Variants in LRP1B observed in about 807,000 individuals in gnomAD.
LRP1B encodes low-density lipoprotein receptor-related protein 1B.
In LRP1B, 217 loss-of-function variants were observed where a neutral mutation model predicts 556.6. The ratio of observed to expected loss-of-function variants is 0.39; its 90% CI spans 0.35 to 0.44. LRP1B has a LOEUF of 0.44. Among genes scored for constraint, LRP1B ranks in the 20% least tolerant of loss-of-function variants. The pLI, the probability that LRP1B is intolerant of heterozygous loss-of-function variation, is 1.00. For synonymous variants in LRP1B, 2,047 were observed against 1,865.8 expected (o/e 1.10, Z -2.50); for missense variants, 5,053 against 5,620.8 (o/e 0.90, Z 3.23).
intron 83 of LRP1B, among the ~76,000 whole-genome samples, chr2:140,304,296 T>G (rs916481034): frequency 2.0e-5 from 3 of 152,128 alleles, no homozygotes; most frequent in African/African-American, 7.2e-5. Flanking sequence ...AGTGTTCCTA[T>G]TCTCCACATC....
At chr2:140,335,173 T>A (rs1681011421) in intron 78 of LRP1B, among the ~76,000 whole-genome samples, 2 of 143,970 alleles carry the variant, frequency 1.4e-5, no homozygotes, top group Non-Finnish European at 3.1e-5. Context: ...ACTCTTTAAA[T>A]TTGTGTGTGT....
intron 7 of LRP1B, among the ~76,000 whole-genome samples, chr2:141,149,162 T>C (rs1342692144): frequency 6.6e-6 from 1 of 152,200 alleles, no homozygotes; most frequent in Non-Finnish European, 1.5e-5. Flanking sequence ...GCATTTTTTG[T>C]TGCTAGGTCT....
chr2:141,948,125 C>A (rs1373829791), intron 1 of LRP1B, among the ~76,000 whole-genome samples: 5 of 151,862 alleles, frequency 3.3e-5, no homozygotes, highest in African/African-American at 1.2e-4. Flanking sequence ...TGGTGAAACC[C>A]CCTCTCTACT....
rs768388336 is a variant in LRP1B, at chr2:141,429,648, C to T, written c.343+50748G>A. 3.4e-4 allele frequency among the ~76,000 whole-genome samples: 51 copies of T among 152,124 alleles called. 1 individual carries two copies. The highest frequency in any genetic ancestry group is 3.2e-3 in the Middle Eastern group (1 of 316). On this transcript the variant is annotated intron_variant, in intron 3 of 90. Transcript: ENST00000389484. ...TGATGCTCTCCTTCCTCCCACCTCCCGCCCTCCAACAGGCCCCAGTGTGTG... is the reference window on the plus strand; with the variant it reads ...TGATGCTCTCCTTCCTCCCACCTCCTGCCCTCCAACAGGCCCCAGTGTGTG...
At chr2:140,988,424 G>A (rs1696992198) in intron 17 of LRP1B, among the ~76,000 whole-genome samples, 1 of 152,116 alleles carries the variant, frequency 6.6e-6, no homozygotes, top group East Asian at 1.9e-4. Flanking sequence ...CAGCAAATTT[G>A]TCACTATGGA....
intron 9 of LRP1B, among the ~76,000 whole-genome samples, chr2:141,057,411 TTGTTCATCCCACCACCTGCAA>T (rs928373234): frequency 6.6e-6 from 1 of 151,852 alleles, no homozygotes; most frequent in African/African-American, 2.4e-5. Flanking sequence ...GCTTTTGTGC[TTGTTCATCCCACCACCTGCAA>T]TGTTGTTGCC....
At chr2:141,244,795 T>C (rs538961908) in intron 5 of LRP1B, among the ~76,000 whole-genome samples, 49 of 152,270 alleles carry the variant, frequency 3.2e-4, no homozygotes, top group African/African-American at 1.2e-3. Context: ...TATAGACTTA[T>C]GCTCATTCTA....
chr2:140,724,237 C>T (rs190172500), intron 35 of LRP1B, among the ~76,000 whole-genome samples: 44 of 152,192 alleles, frequency 2.9e-4, no homozygotes, highest in East Asian at 1.2e-3. Flanking sequence ...GCAATCCCAG[C>T]GCTTTGGAAG....
chr2:140,887,933 GT>G (rs1693687532), intron 23 of LRP1B, among the ~76,000 whole-genome samples: 2 of 152,122 alleles, frequency 1.3e-5, no homozygotes, highest in African/African-American at 4.8e-5. Flanking sequence ...CATGGGGTTT[GT>G]TTTGGGGTGA....
chr2:141,377,727 T>C (rs1002502514), intron 3 of LRP1B, among the ~76,000 whole-genome samples: 3 of 151,908 alleles, frequency 2.0e-5, no homozygotes, highest in Non-Finnish European at 4.4e-5. Flanking sequence ...TAGAAAAATA[T>C]ATTACATTTC....
At chr2:140,540,423 G>C (rs2105014727) in intron 45 of LRP1B, among the ~76,000 whole-genome samples, 1 of 152,210 alleles carries the variant, frequency 6.6e-6, no homozygotes, top group Admixed American at 6.6e-5. Context: ...TAATAAGTGT[G>C]TATTGTAATG....
At chr2:141,877,204 T>A (rs967660383) in intron 1 of LRP1B, among the ~76,000 whole-genome samples, 7 of 151,994 alleles carry the variant, frequency 4.6e-5, no homozygotes, top group Non-Finnish European at 8.8e-5. Context: ...ATTAGTTTTT[T>A]TTCCTATAAA....
chr2:142,123,235 C>A (rs1410868718), intron 1 of LRP1B, among the ~76,000 whole-genome samples: 1 of 151,994 alleles, frequency 6.6e-6, no homozygotes, highest in Non-Finnish European at 1.5e-5. Context: ...TGTTAGTTAT[C>A]TTTTCTCATT....
At chr2:140,387,669 C>A (rs1683820742) in intron 66 of LRP1B, among the ~76,000 whole-genome samples, 1 of 151,576 alleles carries the variant, frequency 6.6e-6, no homozygotes, top group African/African-American at 2.4e-5. Context: ...ATGTTTTCTG[C>A]TTTATATTAT....
intron 32 of LRP1B, among the ~76,000 whole-genome samples, chr2:140,783,864 C>A (rs955248209): frequency 6.6e-6 from 1 of 152,126 alleles, no homozygotes; most frequent in Admixed American, 6.5e-5. Flanking sequence ...AGAAGGATTA[C>A]GTGATAATCT....
rs758527749 is a variant in LRP1B, at chr2:140,886,143, C to G, written c.3959G>C (p.Ser1320Thr). ...DRIYRGKLSE[S>T]GGVSAIEVVV... ...AAAAATTATAATATATGTACCTCCACTTTCAGAAAGCTTTCCCCGGTATAT... is the reference window on the plus strand; with the variant it reads ...AAAAATTATAATATATGTACCTCCAGTTTCAGAAAGCTTTCCCCGGTATAT... The change falls in exon 24 of 91, where the codon AGT (serine) becomes ACT (threonine). Residue 1320 changes from serine to threonine, a missense_variant. Ser to Thr is a moderately conservative substitution (Grantham distance 58). This residue lies in a region of LRP1B where 3,619 missense variants were observed against 3,931.9 expected (regional missense o/e 0.92). Transcript: ENST00000389484. 1.3e-6 allele frequency: 2 copies of G among 1,576,124 alleles called. No homozygotes were observed. The highest frequency in any genetic ancestry group is 1.7e-6 in the Non-Finnish European group (2 of 1,159,862).
intron 2 of LRP1B, among the ~76,000 whole-genome samples, chr2:141,725,355 A>G (rs1472163707): frequency 6.6e-6 from 1 of 151,926 alleles, no homozygotes; most frequent in Non-Finnish European, 1.5e-5. Flanking sequence ...CATTGTATCA[A>G]TAATTTGTCC....
intron 32 of LRP1B, among the ~76,000 whole-genome samples, chr2:140,790,941 T>A (rs908487464): frequency 9.1e-5 from 3 of 32,980 alleles, no homozygotes; most frequent in African/African-American, 1.2e-4. Context: ...TCTCTACAAA[T>A]TTTTTTTTTT....
chr2:141,666,164 G>A (rs1690424531), intron 2 of LRP1B, among the ~76,000 whole-genome samples: 1 of 152,152 alleles, frequency 6.6e-6, no homozygotes, highest in Non-Finnish European at 1.5e-5. Context: ...GGACTAAGGA[G>A]TGTATTTCAT....
Sources: allele counts gnomAD v4.1 joint callset (sites outside exome capture counted in the v4.1 genomes callset), GRCh38; gene constraint gnomAD v4.1.1; regional missense constraint gnomAD v4.1.1; transcripts MANE v1.5; gene names NCBI Gene and HGNC (gene_info 2026-07-23, HGNC 2026-07-21).